NBPF3: variants seen among roughly 807,000 people sequenced by gnomAD.
NBPF3 encodes the protein NBPF family member NBPF3.
NBPF3 carries 57 observed loss-of-function variants against 78.1 expected under a neutral mutation model. That is an observed-to-expected ratio of 0.73 (90% confidence interval 0.59 to 0.91). The LOEUF is 0.91. NBPF3 is among the 40% of genes least tolerant of loss of function. The pLI is 0.00. For missense variants in NBPF3, 510 were observed against 715.3 expected (o/e 0.71, Z 3.27); for synonymous variants, 182 against 271.7 (o/e 0.67, Z 3.25).
chr1:21,456,667 A>G (rs1438800129), intron 2 of NBPF3, among the ~76,000 whole-genome samples: 2 of 152,188 alleles, frequency 1.3e-5, no homozygotes, highest in East Asian at 3.8e-4. Flanking sequence ...TGATTTATAA[A>G]AACAAACCCC....
At chr1:21,441,856 T>G (rs926018693) in intron 1 of NBPF3, among the ~76,000 whole-genome samples, 2 of 152,194 alleles carry the variant, frequency 1.3e-5, no homozygotes, top group African/African-American at 4.8e-5. Flanking sequence ...TTACATATTG[T>G]TGAACATTTT....
At chr1:21,444,927 T>G in intron 1 of NBPF3, 21 bp from the exon 2 acceptor site, 1 of 705,072 alleles carries the variant, frequency 1.4e-6, no homozygotes, top group Non-Finnish European at 2.2e-6. Context: ...TTAACCTTGA[T>G]TTCTCTCTTT....
upstream of NBPF3, among the ~76,000 whole-genome samples, chr1:21,438,105 C>T (rs556766827): frequency 1.3e-5 from 2 of 151,578 alleles, no homozygotes; most frequent in East Asian, 3.9e-4. Flanking sequence ...CAGGCGTGAG[C>T]CACCATGCCT....
At chr1:21,471,900 G>A in intron 5 of NBPF3, 117 bp downstream of exon 5, 1 of 1,382,632 alleles carries the variant, frequency 7.2e-7, no homozygotes, top group South Asian at 1.2e-5. Context: ...AAACGTATGT[G>A]GCCGTGACAT....
rs1640869932 is a variant in NBPF3, at chr1:21,444,842, C to T, written c.-139-106C>T. The T allele has an allele frequency of 1.5e-5, 6 of 400,980 alleles. No individual in the cohort carries two copies. In the Admixed American group the frequency reaches 2.4e-4, roughly 16 times the overall value. 24.8% of individuals were successfully genotyped at this position (400,980 alleles called of 1,614,324 possible). A position where few individuals can be genotyped will look rare whatever the true frequency, so the allele number is the denominator to read the frequency against. ...CTAGTTCCCACCACCTTTCAACCTG[C>T]TCTTCCCTGGGTCTTCCCAGTCTCC... On this transcript the variant is annotated intron_variant, in intron 1 of 14. Transcript: ENST00000318249.
chr1:21,454,456 A>G (rs1195298795), intron 2 of NBPF3: 1 of 152,162 alleles, frequency 6.6e-6, no homozygotes, highest in African/African-American at 2.4e-5. Context: ...GGAAGAAGGA[A>G]GCCTTCAATG....
At chr1:21,474,845 C>T (rs1354563036) in intron 7 of NBPF3, 55 bp from the exon 8 acceptor site, 1 of 1,479,410 alleles carries the variant, frequency 6.8e-7, no homozygotes, top group East Asian at 2.4e-5. Flanking sequence ...CTGATTTGGT[C>T]ATATGTGGAG....
At chr1:21,475,046 T>C in intron 8 of NBPF3, 95 bp downstream of exon 8, 1 of 1,068,242 alleles carries the variant, frequency 9.4e-7, no homozygotes, top group Non-Finnish European at 1.4e-6. Flanking sequence ...GAACTTTTTA[T>C]TCCATTCACC....
chr1:21,460,484 T>A lies in NBPF3; in HGVS notation c.134-8204T>A, dbSNP rs1641892615. On this transcript the variant is annotated intron_variant, in intron 2 of 14. Coordinates refer to ENST00000318249, the MANE Select transcript of NBPF3 (RefSeq NM_032264.6). This position sits in a 1 kb window ranked among gnomAD's most constrained non-coding sequence, Gnocchi z 4.2. The stretch of plus-strand genomic sequence containing the variant: ...GTGAGAACGTGCTCACGCTGCTACT[T>A]CTAAATGTTTTAAAAACAAAGACAC... Among the ~76,000 whole-genome samples, 1 of 152,194 alleles carries A rather than the reference T, an allele frequency of 6.6e-6. No homozygotes were observed. The highest frequency in any genetic ancestry group is 2.4e-5 in the African/African-American group (1 of 41,442).
In NBPF3 at chr1:21,478,240, C is replaced by T. The variant is rs749325872; in HGVS notation, c.1089C>T (p.Tyr363=). ...LSIPPDMSAS[Y]QSDRSTFHSV... Reference sequence around the variant, plus strand: ...TTCCTCCTGACATGTCTGCCTCATACCAGTCTGACAGGAGCACCTTTCACT... The same window carrying T: ...TTCCTCCTGACATGTCTGCCTCATATCAGTCTGACAGGAGCACCTTTCACT... Residue 363 remains tyrosine (Y), a synonymous_variant, in exon 9 of 15, where the codon TAC becomes TAT. Coordinates refer to ENST00000318249, the MANE Select transcript of NBPF3 (RefSeq NM_032264.6). The T allele has an allele frequency of 1.2e-6, 2 of 1,614,160 alleles. No individual in the cohort carries two copies. The highest frequency in any genetic ancestry group is 1.7e-5 in the Admixed American group (1 of 60,026).
chr1:21,446,628 A>T, intron 2 of NBPF3: 1 of 136,934 alleles, frequency 7.3e-6, no homozygotes, highest in Non-Finnish European at 1.5e-5. Context: ...TTTCTCTCTC[A>T]TGCTCTTTTT....
At chr1:21,441,383 T>C (rs1177017226) in intron 1 of NBPF3, among the ~76,000 whole-genome samples, 1 of 152,178 alleles carries the variant, frequency 6.6e-6, no homozygotes, top group Non-Finnish European at 1.5e-5. Flanking sequence ...GAAAAGTTAC[T>C]GAAGTATACA....
rs938371693 is a variant in NBPF3 at position 21,476,984 on chromosome 1, CTT to C, written c.993-1155_993-1154del. 6.6e-6 allele frequency among the ~76,000 whole-genome samples: 1 copy of C among 152,140 alleles called. No homozygotes were observed. The highest frequency in any genetic ancestry group is 1.5e-5 in the Non-Finnish European group (1 of 68,030). On this transcript the variant is annotated intron_variant, in intron 8 of 14. Transcript: ENST00000318249. The surrounding 1 kb of genome is among the most constrained non-coding windows in gnomAD (Gnocchi z 4.1). ...GAGGCTTTGTTCATTTCTTTTTACT[CTT>C]TTTTCTCTAAACTGCTCTTCTCACT...
chr1:21,462,674 A>T (rs1407915795), intron 2 of NBPF3, among the ~76,000 whole-genome samples: 1 of 152,244 alleles, frequency 6.6e-6, no homozygotes, highest in Non-Finnish European at 1.5e-5. Flanking sequence ...TCAAGTGAGA[A>T]CCACAACTCT....
chr1:21,455,152 C>T (rs1641527642), intron 2 of NBPF3, among the ~76,000 whole-genome samples: 2 of 152,370 alleles, frequency 1.3e-5, no homozygotes, highest in East Asian at 3.9e-4. Flanking sequence ...CTGCACTTCA[C>T]ATCTCTCCAG....
intron 8 of NBPF3, among the ~76,000 whole-genome samples, chr1:21,477,064 G>A (rs1373629391): frequency 6.6e-6 from 1 of 151,922 alleles, no homozygotes; most frequent in East Asian, 1.9e-4. Flanking sequence ...CCACTTGATC[G>A]AATCGGCTAC....
chr1:21,468,209 C>T (rs904325333), intron 2 of NBPF3: 24 of 197,558 alleles, frequency 1.2e-4, no homozygotes, highest in Admixed American at 4.9e-4. Flanking sequence ...TACAAACAAG[C>T]GATAAACAAT....
At chr1:21,468,955 G>A in intron 3 of NBPF3, 58 bp downstream of exon 3, 1 of 1,332,292 alleles carries the variant, frequency 7.5e-7, no homozygotes, top group Non-Finnish European at 1.1e-6. Flanking sequence ...TCTTCTCGCT[G>A]AGAAACTAAA....
At chr1:21,442,364 T>G (rs1640704649) in intron 1 of NBPF3, 1 of 151,934 alleles carries the variant, frequency 6.6e-6, no homozygotes, top group Non-Finnish European at 1.5e-5. Context: ...TACAGGGGAG[T>G]ACCACCACAC....
Sources: allele counts gnomAD v4.1 joint callset (sites outside exome capture counted in the v4.1 genomes callset), GRCh38; gene constraint gnomAD v4.1.1; non-coding constraint Gnocchi (gnomAD v3.1); transcripts MANE v1.5; gene names NCBI Gene and HGNC (gene_info 2026-07-23, HGNC 2026-07-21).